Variants in MICAL1 observed in about 807,000 individuals in gnomAD.
The protein encoded by MICAL1 is [F-actin]-monooxygenase MICAL1.
In MICAL1, 95 loss-of-function variants were observed where a neutral mutation model predicts 131.8. That is an observed-to-expected ratio of 0.72 (90% CI 0.61 to 0.86). MICAL1 has a LOEUF of 0.86. Among genes scored for constraint, MICAL1 ranks in the 40% least tolerant of loss-of-function variants. The pLI is 0.00. For missense variants in MICAL1, 1,292 were observed against 1,380.6 expected (o/e 0.94, Z 1.02); for synonymous variants, 546 against 554.2 (o/e 0.99, Z 0.21).
chr6:109,448,983 A>G, intron 11 of MICAL1, 104 bp from the exon 12 acceptor site: 1 of 1,476,220 alleles, frequency 6.8e-7, no homozygotes. Flanking sequence ...AGGAGGAGTC[A>G]GGGACCCACC....
chr6:109,448,544 A>C (rs1775353529), intron 12 of MICAL1, 151 bp from the exon 13 acceptor site: 15 of 1,251,158 alleles, frequency 1.2e-5, no homozygotes, highest in Non-Finnish European at 1.5e-5. Flanking sequence ...CCCAGTGCCC[A>C]ACCCAGTGAC....
At chr6:109,454,993 GA>G (rs1383258062) in intron 1 of MICAL1, 1 of 152,254 alleles carries the variant, frequency 6.6e-6, no homozygotes, top group Non-Finnish European at 1.5e-5. Context: ...GCTGGGGGTC[GA>G]CCGCAGCCGG....
chr6:109,465,389 G>C, intron 1 of MICAL1: 1 of 493,014 alleles, frequency 2.0e-6, no homozygotes, highest in South Asian at 2.6e-5. Context: ...GCCCTGACTT[G>C]TCTTGTGGTA....
rs199602806 is a variant in MICAL1, at chr6:109,448,160, C to T, written c.1855+43G>A. 7.4e-5 allele frequency: 115 copies of T among 1,557,840 alleles called. 1 individual carries two copies. The East Asian group carries it at 2.5e-3, about 33-fold the overall frequency. On this transcript the variant is annotated intron_variant, in intron 13 of 24. Transcript: ENST00000358807. ...ACACACACACACACACACACACACA[C>T]CTCCCCATCCCAGTTATCCTGCCCG...
Position 109,452,235 on chromosome 6 carries a change from G to A in MICAL1, c.832+11C>T. 1 of 1,604,874 alleles carries A rather than the reference G, an allele frequency of 6.2e-7. No homozygotes were observed. The highest frequency in any genetic ancestry group is 1.3e-5 in the African/African-American group (1 of 74,802). On this transcript the variant is annotated intron_variant, in intron 6 of 24. Coordinates refer to ENST00000358807, the MANE Select transcript of MICAL1 (RefSeq NM_022765.4). ...CAGGGGGAGGGGAAATTCAGCAAGA[G>A]GGTCCCTGACCTGTGGCTTTGAGAA...
intron 12 of MICAL1, 46 bp downstream of exon 12, chr6:109,448,686 C>A: frequency 6.2e-7 from 1 of 1,610,750 alleles, no homozygotes; most frequent in South Asian, 1.1e-5. Flanking sequence ...TATGCTAACT[C>A]CTACACTGAG....
chr6:109,451,499 G>C, intron 7 of MICAL1, 101 bp downstream of exon 7: 2 of 1,403,066 alleles, frequency 1.4e-6, no homozygotes, highest in East Asian at 2.4e-5. Flanking sequence ...AAAGGCAGGA[G>C]AGGACGGGGT....
At chr6:109,444,470 G>A (rs2115321857) in intron 24 of MICAL1, 131 bp from the exon 25 acceptor site, 2 of 1,319,806 alleles carry the variant, frequency 1.5e-6, no homozygotes, top group South Asian at 1.3e-5. Context: ...TAGGAGGGTT[G>A]CCAACACCAG....
At chr6:109,453,589 C>T in intron 3 of MICAL1, 49 bp downstream of exon 3, 1 of 1,547,710 alleles carries the variant, frequency 6.5e-7, no homozygotes, top group Non-Finnish European at 8.7e-7. Flanking sequence ...ACTGGCCTGC[C>T]TCTAGGCCCA....
At position 109,445,489 on chromosome 6, in the gene MICAL1, TTATTCATGG is replaced by T. The variant is rs1562286111; in HGVS notation, c.2705_2713del (p.Thr902_Asn904del). 1 of 1,614,104 alleles carries T rather than the reference TTATTCATGG, an allele frequency of 6.2e-7. No homozygotes were observed. The highest frequency in any genetic ancestry group is 2.2e-5 in the East Asian group (1 of 44,886). Reference sequence around the variant, plus strand: ...CAGAGTCCGACGCCATGTTGGGTAGTTATTCATGGTGCCTGAGGTCTTGGCAAAGGTCTG... The same window carrying T: ...CAGAGTCCGACGCCATGTTGGGTAGTTGCCTGAGGTCTTGGCAAAGGTCTG... On this transcript the variant is annotated inframe_deletion, in exon 21 of 25. Transcript: ENST00000358807.
In MICAL1 at chr6:109,455,712, G is replaced by C. The variant is rs117663805; in HGVS notation, c.-44+7C>G. On this transcript the variant is annotated splice_region_variant and intron_variant, in intron 1 of 24. Transcript: ENST00000358807. This position sits in a 1 kb window ranked among gnomAD's most constrained non-coding sequence, Gnocchi z 4.7. ...GGGCTCGCAGCCGGCTCCGCTGGAC[G>C]ACTTACCGGCGGCTCCGAAGCCGGG... 1 of 981,496 alleles carries C rather than the reference G, an allele frequency of 1.0e-6. No homozygotes were observed. The highest frequency in any genetic ancestry group is 1.2e-6 in the Non-Finnish European group (1 of 829,404). The allele number at this position is 981,496 out of a possible 1,614,324, so 60.8% of individuals were successfully genotyped here.
intron 7 of MICAL1, among the ~76,000 whole-genome samples, chr6:109,450,770 G>A (rs1775507111): frequency 6.6e-6 from 1 of 152,128 alleles, no homozygotes; most frequent in Admixed American, 6.5e-5. Flanking sequence ...CCTGCTGCTG[G>A]GTGTCCCAGG....
chr6:109,457,036 G>C (rs774964448), upstream of MICAL1, among the ~76,000 whole-genome samples: 4 of 152,234 alleles, frequency 2.6e-5, no homozygotes, highest in Admixed American at 6.5e-5. Flanking sequence ...GAGATCCAGA[G>C]ACCATAAAGA....
chr6:109,449,899 A>G, intron 9 of MICAL1, 71 bp downstream of exon 9: 1 of 1,591,694 alleles, frequency 6.3e-7, no homozygotes, highest in South Asian at 1.1e-5. Flanking sequence ...TTCACTCAGC[A>G]CCCCTGCCCC....
rs1582656360 is a variant in MICAL1, at chr6:109,455,398, T to G, written c.-44+321A>C. Among the ~76,000 whole-genome samples the G allele has an allele frequency of 2.0e-5, 3 of 148,652 alleles. No homozygotes were observed. Among genetic ancestry groups the G allele is most frequent in the African/African-American group, 2.5e-5 (1 of 40,124 alleles). The stretch of plus-strand genomic sequence containing the variant: ...GAAGGGCAAAGATCTTTCTTGGGGG[T>G]GGAGGGTGGAAGGAGGAAGACCTCG... On this transcript the variant is annotated intron_variant, in intron 1 of 24. Coordinates refer to ENST00000358807, the MANE Select transcript of MICAL1 (RefSeq NM_022765.4). This position sits in a 1 kb window ranked among gnomAD's most constrained non-coding sequence, Gnocchi z 4.7.
chr6:109,446,634 G>T, intron 18 of MICAL1, 62 bp downstream of exon 18: 2 of 1,555,708 alleles, frequency 1.3e-6, no homozygotes, highest in Non-Finnish European at 1.8e-6. Flanking sequence ...CAAAGCGCTG[G>T]TTTGACGAGA....
At position 109,449,479 on chromosome 6, in the gene MICAL1, T is replaced by TA; in HGVS notation, c.1436dup (p.Arg480ThrfsTer5). 6.2e-7 allele frequency: 1 copy of TA among 1,614,154 alleles called. No individual in the cohort carries two copies. The highest frequency in any genetic ancestry group is 8.5e-7 in the Non-Finnish European group (1 of 1,180,014). ...TGGCTAGCACATCATACAGGTCTCG[T>TA]ACCTAAGGCAGCCCCGCTCAGGTCT... On this transcript the variant is annotated frameshift_variant and splice_region_variant, in exon 11 of 25. Transcript: ENST00000358807. LOFTEE classifies it high-confidence loss of function.
intron 4 of MICAL1, among the ~76,000 whole-genome samples, chr6:109,452,881 G>GC (rs1286236321): frequency 3.9e-5 from 6 of 152,182 alleles, no homozygotes; most frequent in Admixed American, 3.9e-4. Context: ...CTCCTGGCTG[G>GC]CATGGTGGGT....
rs764336600 is a variant in MICAL1 at position 109,454,032 on chromosome 6, G to A, written c.165C>T (p.Leu55=). The A allele has an allele frequency of 3.1e-6, 5 of 1,614,178 alleles. No individual in the cohort carries two copies. Among genetic ancestry groups the A allele is most frequent in the South Asian group, 2.2e-5 (2 of 91,090 alleles). Reference sequence around the variant, plus strand: ...ACAGTGACTTGGCGCTCCAGTAGTTGAGCTGGTCCTTGATCTTGTGGTACT... The same window carrying A: ...ACAGTGACTTGGCGCTCCAGTAGTTAAGCTGGTCCTTGATCTTGTGGTACT... ...LPQYHKIKDQ[L]NYWSAKSLWT... Residue 55 remains leucine, a synonymous_variant, in exon 2 of 25, where the codon CTC becomes CTT. Transcript: ENST00000358807.
Sources: gnomAD v4.1 joint callset for allele counts (sites outside exome capture counted in the v4.1 genomes callset) on GRCh38, gnomAD v4.1.1 for gene constraint, Gnocchi (gnomAD v3.1) non-coding constraint, MANE v1.5 for transcripts, NCBI Gene and HGNC (gene_info 2026-07-23, HGNC 2026-07-21) for gene names.